Variants in SLC20A2 observed in about 807,000 individuals in gnomAD.
SLC20A2 encodes solute carrier family 20 member 2.
Under a neutral mutation model 61.0 loss-of-function variants are expected in SLC20A2, and 30 were observed. That is an observed-to-expected ratio of 0.49 (90% CI 0.37 to 0.67). The LOEUF (loss-of-function observed/expected upper bound fraction) is 0.67. Ranked by LOEUF, SLC20A2 falls within the 30% of genes least tolerant of loss-of-function variation. SLC20A2 has a pLI of 0.00. For synonymous variants in SLC20A2, 351 were observed against 353.3 expected (o/e 0.99, Z 0.07); for missense variants, 626 against 866.4 (o/e 0.72, Z 3.48).
At chr8:42,436,862 G>C in intron 8 of SLC20A2, 127 bp downstream of exon 8, 1 of 818,462 alleles carries the variant, frequency 1.2e-6, no homozygotes, top group Non-Finnish European at 1.9e-6. Context: ...TCCACCGCCT[G>C]CGCACCCCTA....
intron 5 of SLC20A2, among the ~76,000 whole-genome samples, chr8:42,451,928 TGAAGAGGAGGAGGAGGAAG>T (rs1805712682): frequency 2.8e-4 from 21 of 74,732 alleles, no homozygotes; most frequent in African/African-American, 9.9e-4. Context: ...GAGGAAGAGA[TGAAGAGGAGGAGGAGGAAG>T]AGATGAAGAG....
intron 1 of SLC20A2, among the ~76,000 whole-genome samples, chr8:42,492,441 G>T (rs1809590484): frequency 1.3e-5 from 2 of 152,192 alleles, no homozygotes; most frequent in South Asian, 4.1e-4. Flanking sequence ...GGAATGTCAT[G>T]ACTACTCCTC....
At chr8:42,524,779 T>TC (rs1038960246) in intron 1 of SLC20A2, among the ~76,000 whole-genome samples, 4 of 142,040 alleles carry the variant, frequency 2.8e-5, no homozygotes, top group Admixed American at 7.3e-5. Flanking sequence ...AGAGCAAAAC[T>TC]CCATCTCAAA....
intron 6 of SLC20A2, among the ~76,000 whole-genome samples, chr8:42,440,989 C>T (rs890109867): frequency 1.3e-5 from 2 of 151,730 alleles, no homozygotes; most frequent in South Asian, 2.1e-4. Context: ...TTAGCTGAGA[C>T]GGGGTTTCAC....
At chr8:42,450,435 C>T (rs1194112279) in intron 5 of SLC20A2, among the ~76,000 whole-genome samples, 2 of 152,000 alleles carry the variant, frequency 1.3e-5, no homozygotes, top group African/African-American at 4.8e-5. Flanking sequence ...ACCATATTGG[C>T]CAACCTGGTC....
At chr8:42,470,986 A>G (rs576619398) in intron 2 of SLC20A2, 268 of 350,630 alleles carry the variant, frequency 7.6e-4, no homozygotes, top group African/African-American at 4.7e-3. Flanking sequence ...AAAAAAAAAA[A>G]AAAAGAAAAG....
intron 1 of SLC20A2, among the ~76,000 whole-genome samples, chr8:42,514,960 G>A (rs1379436444): frequency 6.6e-6 from 1 of 152,054 alleles, no homozygotes; most frequent in Non-Finnish European, 1.5e-5. Context: ...GAAAAAAAGA[G>A]GAATTAAGGA....
At chr8:42,541,415 G>C (rs1813140683) in intron 1 of SLC20A2, 3 of 147,284 alleles carry the variant, frequency 2.0e-5, no homozygotes, top group Admixed American at 2.0e-4. Context: ...GGCGGGGGTC[G>C]CGGCGCGGTA....
intron 5 of SLC20A2, among the ~76,000 whole-genome samples, chr8:42,447,766 A>G (rs980539743): frequency 6.6e-6 from 1 of 152,260 alleles, no homozygotes; most frequent in African/African-American, 2.4e-5. Context: ...ATTAATGTAT[A>G]TAAGTATTAA....
chr8:42,528,647 C>G (rs1489271298), intron 1 of SLC20A2, among the ~76,000 whole-genome samples: 2 of 151,804 alleles, frequency 1.3e-5, no homozygotes, highest in Non-Finnish European at 2.9e-5. Flanking sequence ...TCCATCATAT[C>G]CTGCCTCAAT....
chr8:42,420,294 G>C (rs1179621354), intron 10 of SLC20A2, among the ~76,000 whole-genome samples: 1 of 151,864 alleles, frequency 6.6e-6, no homozygotes, highest in Admixed American at 6.6e-5. Flanking sequence ...TATTAACTCT[G>C]TGATATCGAA....
intron 1 of SLC20A2, among the ~76,000 whole-genome samples, chr8:42,525,248 T>C (rs1811844773): frequency 6.6e-6 from 1 of 152,154 alleles, no homozygotes; most frequent in African/African-American, 2.4e-5. Context: ...CTCACGCCTC[T>C]GAAATCTGCT....
At position 42,522,133 on chromosome 8, in the gene SLC20A2, A is replaced by T. The variant is rs1811636981; in HGVS notation, c.-265+19688T>A. 1.6e-5 allele frequency among the ~76,000 whole-genome samples: 2 copies of T among 121,512 alleles called. 1 individual carries two copies. The highest frequency in any genetic ancestry group is 4.0e-5 in the Non-Finnish European group (2 of 50,576). The allele number at this position is 121,512 out of a possible 152,430, so 79.7% of individuals were successfully genotyped here. A position where few individuals can be genotyped will look rare whatever the true frequency, so the allele number is the denominator to read the frequency against. On this transcript the variant is annotated intron_variant, in intron 1 of 10. Transcript: ENST00000342228. ...ACAAGCACGTAAAGGGGAAAGATGC[A>T]AATGGATGGCTAGAGAGGAGAAGAC...
rs79577461 is a variant in SLC20A2, at chr8:42,437,074, C to T, written c.1438G>A (p.Ala480Thr). Reference protein sequence around the residue: ...PAEEEKEEKDAPEVHLLFHFL... With the variant: ...PAEEEKEEKDTPEVHLLFHFL... ...TGGAACAGGAGGTGAACCTCGGGTG[C>T]GTCCTTCTCCTCCTTCTCCTCCTCT... Residue 480 changes from alanine (A) to threonine (T), a missense_variant, in exon 8 of 11, where the codon GCA (alanine) becomes ACA (threonine). By Grantham distance (58) the Ala-to-Thr change is moderately conservative (BLOSUM62 0). Transcript: ENST00000520262. The surrounding 1 kb of genome is among the most constrained non-coding windows in gnomAD (Gnocchi z 6.4). The T allele has an allele frequency of 0.018, 28,445 of 1,614,052 alleles. 306 individuals are homozygous for T. Among genetic ancestry groups the T allele is most frequent in the Non-Finnish European group, 0.021 (24,774 of 1,180,024 alleles).
intron 9 of SLC20A2, 62 bp from the exon 10 acceptor site, chr8:42,428,904 T>C (rs1803633125): frequency 7.2e-7 from 1 of 1,387,058 alleles, no homozygotes; most frequent in African/African-American, 1.5e-5. Flanking sequence ...TGACACCCCG[T>C]GGGTGCTAGA....
rs759186236 is a variant in SLC20A2, at chr8:42,444,674, C to G, written c.702G>C (p.Val234=). 2 of 1,613,828 alleles carry G rather than the reference C, an allele frequency of 1.2e-6. No homozygotes were observed. Among genetic ancestry groups the G allele is most frequent in the East Asian group, 4.5e-5 (2 of 44,862 alleles). The change falls in exon 6 of 11, where the codon GTG becomes GTC. Residue 234 remains valine (V), a synonymous_variant. Transcript: ENST00000520262. ...TTATTTTCCTCCGCATCCACGGACACACGAAGAGCCACACAAAAAAAGCGA... is the reference window on the plus strand; with the variant it reads ...TTATTTTCCTCCGCATCCACGGACAGACGAAGAGCCACACAAAAAAAGCGA... ...LLFAFFVWLF[V]CPWMRRKITG... is the part of the protein sequence containing the mutation.
At chr8:42,465,999 TA>T in intron 2 of SLC20A2, 82 bp from the exon 3 acceptor site, 1 of 1,229,732 alleles carries the variant, frequency 8.1e-7, no homozygotes, top group Non-Finnish European at 1.1e-6. Flanking sequence ...ATGTTTTCCA[TA>T]ACAACATCTC....
chr8:42,457,506 A>G (rs1043463807), intron 5 of SLC20A2, among the ~76,000 whole-genome samples: 1 of 151,000 alleles, frequency 6.6e-6, no homozygotes, highest in Non-Finnish European at 1.5e-5. Context: ...TTTGAGACAA[A>G]GTCTCGCTGT....
intron 5 of SLC20A2, among the ~76,000 whole-genome samples, chr8:42,453,361 C>T (rs1366260365): frequency 2.0e-5 from 3 of 152,048 alleles, no homozygotes; most frequent in Admixed American, 6.6e-5. Context: ...TTTAAAAGTG[C>T]GAACTTAGTC....
Sources: gnomAD v4.1 joint callset for allele counts (sites outside exome capture counted in the v4.1 genomes callset) on GRCh38, gnomAD v4.1.1 for gene constraint, Gnocchi (gnomAD v3.1) non-coding constraint, MANE v1.5 for transcripts, NCBI Gene and HGNC (gene_info 2026-07-23, HGNC 2026-07-21) for gene names.